TNKS: variants seen among roughly 807,000 people sequenced by gnomAD.
TNKS encodes the protein poly [ADP-ribose] polymerase tankyrase-1.
In TNKS, 72 loss-of-function variants were observed where a neutral mutation model predicts 135.8. That is an observed-to-expected ratio of 0.53 (90% CI 0.44 to 0.64). TNKS has a LOEUF of 0.64. Among genes scored for constraint, TNKS ranks in the 30% least tolerant of loss-of-function variants. The pLI is 0.00. For synonymous variants in TNKS, 849 were observed against 649.3 expected (o/e 1.31, Z -4.68); for missense variants, 1,769 against 1,674.0 (o/e 1.06, Z -0.99).
rs372566002 is a variant in TNKS at position 9,708,385 on chromosome 8, C to T, written c.1471C>T (p.His491Tyr). The change falls in exon 9 of 27, where the codon CAT becomes TAT. Residue 491 changes from histidine (H) to tyrosine (Y), a missense_variant. This residue lies in a region of TNKS where 523 missense variants were observed against 541.0 expected (regional missense o/e 0.97). Transcript: ENST00000310430. Reference sequence around the variant, plus strand: ...TTCATTGACAGATGAATTTAAAGGTCATTCTTTACTACAAGCAGCCAGAGA... The same window carrying T: ...TTCATTGACAGATGAATTTAAAGGTTATTCTTTACTACAAGCAGCCAGAGA... ...RERLTYEFKG[H>Y]SLLQAAREAD... 3 of 1,602,996 alleles carry T rather than the reference C, an allele frequency of 1.9e-6. No homozygotes were observed. Among genetic ancestry groups the T allele is most frequent in the Non-Finnish European group, 2.6e-6 (3 of 1,174,776 alleles).
intron 17 of TNKS, among the ~76,000 whole-genome samples, chr8:9,745,913 G>A (rs1806210406): frequency 6.6e-6 from 1 of 152,086 alleles, no homozygotes. Context: ...TGTTCTTTTT[G>A]AAGTGAGTGT....
chr8:9,756,432 T>C lies in TNKS; in HGVS notation c.3153+3806T>C, dbSNP rs185409176. Among the ~76,000 whole-genome samples the C allele has an allele frequency of 1.4e-3, 207 of 152,092 alleles. 1 individual carries two copies. The highest frequency in any genetic ancestry group is 3.7e-3 in the Admixed American group (57 of 15,260). On this transcript the variant is annotated intron_variant, in intron 20 of 26. Transcript: ENST00000310430. ...GACTTTAACTGACACGTGGATAATCTTTATTCTTAGTAATTTTATTTTAAT... is the reference window on the plus strand; with the variant it reads ...GACTTTAACTGACACGTGGATAATCCTTATTCTTAGTAATTTTATTTTAAT...
chr8:9,761,672 TC>T, intron 21 of TNKS, 36 bp downstream of exon 21: 1 of 1,575,902 alleles, frequency 6.3e-7, no homozygotes, highest in Non-Finnish European at 8.6e-7. Flanking sequence ...ATTTCAGAAA[TC>T]AGTGGTACAA....
chr8:9,776,204 C>G (rs1367695462), intron 26 of TNKS, among the ~76,000 whole-genome samples: 1 of 152,218 alleles, frequency 6.6e-6, no homozygotes, highest in African/African-American at 2.4e-5. Flanking sequence ...ACATCTCACC[C>G]TTACTCCTTC....
At chr8:9,726,795 A>G (rs1805184523) in intron 13 of TNKS, 75 bp downstream of exon 13, 5 of 1,159,412 alleles carry the variant, frequency 4.3e-6, no homozygotes, top group African/African-American at 1.5e-5. Context: ...GCTTCTAAGT[A>G]TATCTACTCA....
intron 6 of TNKS, among the ~76,000 whole-genome samples, chr8:9,705,758 T>C (rs915405610): frequency 6.6e-6 from 1 of 152,222 alleles, no homozygotes; most frequent in African/African-American, 2.4e-5. Flanking sequence ...AGGGTTTTTT[T>C]GGTTTATTTA....
chr8:9,750,280 C>G (rs2128827666), intron 18 of TNKS, among the ~76,000 whole-genome samples: 1 of 152,270 alleles, frequency 6.6e-6, no homozygotes, highest in South Asian at 2.1e-4. Context: ...GAAACTTTTG[C>G]TGATGGAGAG....
intron 8 of TNKS, among the ~76,000 whole-genome samples, chr8:9,707,819 G>A (rs769680676): frequency 5.9e-5 from 9 of 152,022 alleles, no homozygotes; most frequent in African/African-American, 2.2e-4. Context: ...CCTTTTCTGT[G>A]TCAAGACCTA....
chr8:9,684,331 G>A (rs1403770192), intron 5 of TNKS, among the ~76,000 whole-genome samples: 1 of 151,808 alleles, frequency 6.6e-6, no homozygotes, highest in African/African-American at 2.4e-5. Context: ...AATTTAAGGT[G>A]GTAATATTCT....
intron 1 of TNKS, 41 bp downstream of exon 1, chr8:9,556,653 G>C (rs1263748495): frequency 1.2e-6 from 2 of 1,608,182 alleles, no homozygotes; most frequent in Non-Finnish European, 1.7e-6. Context: ...TTATGGGTTT[G>C]GGTGCAGGGT....
At chr8:9,692,418 AC>A (rs764981509) in intron 5 of TNKS, among the ~76,000 whole-genome samples, 4 of 152,218 alleles carry the variant, frequency 2.6e-5, no homozygotes, top group Non-Finnish European at 4.4e-5. Flanking sequence ...CACTGTTGTC[AC>A]CCATCTCCCC....
chr8:9,573,339 T>A (rs1325060905), intron 1 of TNKS, among the ~76,000 whole-genome samples: 2 of 152,200 alleles, frequency 1.3e-5, no homozygotes, highest in African/African-American at 4.8e-5. Context: ...GGAAGTGATG[T>A]ACAGAAGACA....
chr8:9,668,126 G>A (rs993852597), intron 3 of TNKS, among the ~76,000 whole-genome samples: 1 of 152,196 alleles, frequency 6.6e-6, no homozygotes, highest in Non-Finnish European at 1.5e-5. Flanking sequence ...TGTCAGGTGT[G>A]TTGAGGAAAA....
chr8:9,643,503 C>A (rs190031419), intron 3 of TNKS, among the ~76,000 whole-genome samples: 2 of 151,932 alleles, frequency 1.3e-5, no homozygotes. Flanking sequence ...CTTAAAGGTC[C>A]CGCCTCTCAA....
chr8:9,749,867 A>C (rs1275318233), intron 18 of TNKS, among the ~76,000 whole-genome samples: 1 of 152,004 alleles, frequency 6.6e-6, no homozygotes, highest in Non-Finnish European at 1.5e-5. Context: ...GGCTTTCTCA[A>C]CCTGTTCCCT....
At chr8:9,583,010 C>G (rs1376356459) in intron 2 of TNKS, among the ~76,000 whole-genome samples, 1 of 151,508 alleles carries the variant, frequency 6.6e-6, no homozygotes, top group Non-Finnish European at 1.5e-5. Context: ...ACTAAAAATA[C>G]AAAAAAATTA....
At chr8:9,667,593 T>C (rs1183435507) in intron 3 of TNKS, among the ~76,000 whole-genome samples, 1 of 152,242 alleles carries the variant, frequency 6.6e-6, no homozygotes, top group Non-Finnish European at 1.5e-5. Context: ...TTGTGATTAT[T>C]GTGTATGATT....
chr8:9,767,659 G>C (rs1471174120), intron 25 of TNKS, among the ~76,000 whole-genome samples: 2 of 152,108 alleles, frequency 1.3e-5, no homozygotes, highest in South Asian at 4.2e-4. Flanking sequence ...TCTGTGGTTA[G>C]GAATACAGAG....
rs1386998246 is a variant in TNKS at position 9,556,375 on chromosome 8, C to T, written c.436C>T (p.Pro146Ser). 3 of 1,614,246 alleles carry T rather than the reference C, an allele frequency of 1.9e-6. No homozygotes were observed. The highest frequency in any genetic ancestry group is 1.1e-5 in the South Asian group (1 of 91,086). ...TSSSSSSPSS[P>S]GSSLAESPEA... ...TTCCTCATCTTCCTCTCCATCCTCC[C>T]CTGGATCGAGCTTGGCGGAGAGCCC... is the stretch of plus-strand genomic sequence containing the variant. The change falls in exon 1 of 27, where the codon CCT becomes TCT. Residue 146 changes from proline (P) to serine (S), a missense_variant. Transcript: ENST00000310430.
Sources: allele counts gnomAD v4.1 joint callset (sites outside exome capture counted in the v4.1 genomes callset), GRCh38; gene constraint gnomAD v4.1.1; regional missense constraint gnomAD v4.1.1; transcripts MANE v1.5; gene names NCBI Gene and HGNC (gene_info 2026-07-23, HGNC 2026-07-21).